RNF19A: variants seen among roughly 807,000 people sequenced by gnomAD.
RNF19A encodes E3 ubiquitin-protein ligase RNF19A.
RNF19A carries 32 observed loss-of-function variants against 75.7 expected under a neutral mutation model. The observed-to-expected ratio is 0.42, with a 90% CI of 0.32 to 0.57. RNF19A has a LOEUF of 0.57. Among genes scored for constraint, RNF19A ranks in the 20% least tolerant of loss-of-function variants. The probability of loss-of-function intolerance (pLI) is 0.10; values close to 1 mark genes in which losing one functional copy is unlikely to be tolerated. For missense variants in RNF19A, 782 were observed against 1,036.3 expected (o/e 0.75, Z 3.37); for synonymous variants, 335 against 345.2 (o/e 0.97, Z 0.33).
intron 1 of RNF19A, among the ~76,000 whole-genome samples, chr8:100,301,802 C>T (rs1189702326): frequency 6.6e-6 from 1 of 152,130 alleles, no homozygotes; most frequent in Non-Finnish European, 1.5e-5. Context: ...AAAAGTTAGG[C>T]AGAGCAAAGG....
rs190055747 is a variant in RNF19A at position 100,324,956 on chromosome 8, G to C, written c.-243+11152C>G. 6.6e-6 allele frequency among the ~76,000 whole-genome samples: 1 copy of C among 150,530 alleles called. No homozygotes were observed. The highest frequency in any genetic ancestry group is 2.4e-5 in the African/African-American group (1 of 40,872). ...GAGTCTCACTCTGTCACCCAGGCTG[G>C]AGTGCAATGGCACAACCTCAGCTTA... is the stretch of plus-strand genomic sequence containing the variant. On this transcript the variant is annotated intron_variant, in intron 1 of 3. Coordinates refer to the RNF19A transcript ENST00000519527. The surrounding 1 kb of genome is among the most constrained non-coding windows in gnomAD (Gnocchi z 4.2).
Position 100,259,135 on chromosome 8 carries a change from A to G in RNF19A, c.1938T>C (p.Ala646=). The G allele has an allele frequency of 6.2e-7, 1 of 1,614,190 alleles. No individual in the cohort carries two copies. The highest frequency in any genetic ancestry group is 8.5e-7 in the Non-Finnish European group (1 of 1,180,034). The part of the protein sequence containing the change: ...VDDGSATRSH[A]GGSSSGLPEG... Reference sequence around the variant, plus strand: ...CAGGCAAGCCACTGGATGAACCGCCAGCATGACTTCGGGTGGCACTGCCAT... The same window carrying G: ...CAGGCAAGCCACTGGATGAACCGCCGGCATGACTTCGGGTGGCACTGCCAT... Residue 646 remains alanine (A), a synonymous_variant, in exon 10 of 10, where the codon GCT becomes GCC. Coordinates refer to ENST00000341084, the MANE Select transcript of RNF19A (RefSeq NM_183419.4). The surrounding 1 kb of genome is among the most constrained non-coding windows in gnomAD (Gnocchi z 4.5).
rs532419796 is a variant in RNF19A at position 100,331,358 on chromosome 8, A to T, written c.-243+4750T>A. On this transcript the variant is annotated intron_variant, in intron 1 of 3. Transcript: ENST00000519527. This position sits in a 1 kb window ranked among gnomAD's most constrained non-coding sequence, Gnocchi z 5.2. ...TAGAACAGAAAAACAGATATAGGCCAGGTATGGTGGCTCATGCCTGTAATC... is the reference window on the plus strand; with the variant it reads ...TAGAACAGAAAAACAGATATAGGCCTGGTATGGTGGCTCATGCCTGTAATC... 2.6e-5 allele frequency among the ~76,000 whole-genome samples: 4 copies of T among 152,202 alleles called. No homozygotes were observed. Among genetic ancestry groups the T allele is most frequent in the Non-Finnish European group, 4.4e-5 (3 of 68,036 alleles).
intron 7 of RNF19A, among the ~76,000 whole-genome samples, chr8:100,263,122 T>G (rs1819803336): frequency 6.6e-6 from 1 of 152,180 alleles, no homozygotes; most frequent in East Asian, 1.9e-4. Flanking sequence ...GGTCTATGCA[T>G]TATTTAATAG....
intron 1 of RNF19A, among the ~76,000 whole-genome samples, chr8:100,291,965 GTCT>G (rs1821316209): frequency 9.8e-6 from 1 of 101,620 alleles, no homozygotes; most frequent in Non-Finnish European, 2.0e-5. Context: ...AGAGGACTAA[GTCT>G]TTTTTTTTTT....
In RNF19A at chr8:100,323,865, T is replaced by C. The variant is rs1346408096; in HGVS notation, c.-242-10493A>G. ...TCACAAGTTGTTTGTAAAATGACTG[T>C]GCCAAACCAACATTCCTGTCAACGA... On this transcript the variant is annotated intron_variant, in intron 1 of 3. Coordinates refer to the RNF19A transcript ENST00000519527. The surrounding 1 kb of genome is among the most constrained non-coding windows in gnomAD (Gnocchi z 4.6). Among the ~76,000 whole-genome samples, 1 of 152,210 alleles carries C rather than the reference T, an allele frequency of 6.6e-6. No individual in the cohort carries two copies. Among genetic ancestry groups the C allele is most frequent in the East Asian group, 1.9e-4 (1 of 5,206 alleles).
chr8:100,316,172 G>T (rs930058092), intron 1 of RNF19A, among the ~76,000 whole-genome samples: 3 of 151,654 alleles, frequency 2.0e-5, no homozygotes, highest in Admixed American at 2.0e-4. Context: ...AAGACGGCGT[G>T]TCTGGAGTTG....
At chr8:100,292,507 A>G (rs1444623958) in intron 1 of RNF19A, among the ~76,000 whole-genome samples, 1 of 151,650 alleles carries the variant, frequency 6.6e-6, no homozygotes, top group Non-Finnish European at 1.5e-5. Context: ...CAATTTTCCA[A>G]TGTAGAAATT....
chr8:100,292,068 A>C (rs1467592663), intron 1 of RNF19A, among the ~76,000 whole-genome samples: 1 of 151,654 alleles, frequency 6.6e-6, no homozygotes, highest in Non-Finnish European at 1.5e-5. Flanking sequence ...CAGAAGCTTA[A>C]AGCTATTCTA....
intron 1 of RNF19A, chr8:100,309,516 C>G: frequency 1.0e-6 from 1 of 985,502 alleles, no homozygotes; most frequent in Non-Finnish European, 1.2e-6. Flanking sequence ...AGCGCCGCCT[C>G]GGCCCGTCAT....
intron 1 of RNF19A, among the ~76,000 whole-genome samples, chr8:100,297,376 T>A (rs1292626518): frequency 6.6e-6 from 1 of 152,226 alleles, no homozygotes; most frequent in Admixed American, 6.5e-5. Flanking sequence ...CCTCTCTGTA[T>A]CATCTGTAAA....
Position 100,258,921 on chromosome 8 carries a change from GC to G in RNF19A, c.2151del (p.Met717IlefsTer4). 3 of 1,614,206 alleles carry G rather than the reference GC, an allele frequency of 1.9e-6. No individual in the cohort carries two copies. Among genetic ancestry groups the G allele is most frequent in the Non-Finnish European group, 2.5e-6 (3 of 1,180,038 alleles). ...EFEAPSLSDS[M>X]PSVADSHSSH... Reference sequence around the variant, plus strand: ...CTAGAGTGAGAATCTGCTACAGAAGGCATACTGTCACTGAGGGATGGAGCCT... The same window carrying G: ...CTAGAGTGAGAATCTGCTACAGAAGGATACTGTCACTGAGGGATGGAGCCT... On this transcript the variant is annotated frameshift_variant, in exon 10 of 10. Coordinates refer to ENST00000341084, the MANE Select transcript of RNF19A (RefSeq NM_183419.4). LOFTEE classifies it high-confidence loss of function. The surrounding 1 kb of genome is among the most constrained non-coding windows in gnomAD (Gnocchi z 4.3).
rs1183344533 is a variant in RNF19A, at chr8:100,261,360, C to T, written c.1682+182G>A. Reference sequence around the variant, plus strand: ...CAATCCACCTGCTTTGGCTTCCCAACATGCTGGGATTACAGGCGTGAGCCA... The same window carrying T: ...CAATCCACCTGCTTTGGCTTCCCAATATGCTGGGATTACAGGCGTGAGCCA... On this transcript the variant is annotated intron_variant, in intron 8 of 9. Coordinates refer to ENST00000341084, the MANE Select transcript of RNF19A (RefSeq NM_183419.4). This position sits in a 1 kb window ranked among gnomAD's most constrained non-coding sequence, Gnocchi z 4.4. 6.6e-6 allele frequency among the ~76,000 whole-genome samples: 1 copy of T among 152,106 alleles called. No individual in the cohort carries two copies. Among genetic ancestry groups the T allele is most frequent in the Non-Finnish European group, 1.5e-5 (1 of 68,018 alleles).
At chr8:100,319,984 C>T (rs1416654524) in intron 1 of RNF19A, among the ~76,000 whole-genome samples, 3 of 150,372 alleles carry the variant, frequency 2.0e-5, no homozygotes, top group Admixed American at 6.7e-5. Flanking sequence ...TACAGGTGCC[C>T]GCCACCATGC....
At chr8:100,307,700 A>G (rs914958092) in intron 1 of RNF19A, among the ~76,000 whole-genome samples, 11 of 152,170 alleles carry the variant, frequency 7.2e-5, no homozygotes, top group African/African-American at 2.7e-4. Flanking sequence ...TCCAACCCCA[A>G]TAAAATAGAG....
intron 1 of RNF19A, among the ~76,000 whole-genome samples, chr8:100,308,435 T>C (rs1420012790): frequency 6.6e-6 from 1 of 152,194 alleles, no homozygotes; most frequent in Non-Finnish European, 1.5e-5. Context: ...ATCATCGCCA[T>C]TTTCTAAATA....
In RNF19A at chr8:100,329,575, AT is replaced by A. The variant is rs1207154544; in HGVS notation, c.-243+6532del. On this transcript the variant is annotated intron_variant, in intron 1 of 3. Transcript: ENST00000519527. This position sits in a 1 kb window ranked among gnomAD's most constrained non-coding sequence, Gnocchi z 4.3. The stretch of plus-strand genomic sequence containing the variant: ...GGTCAGGCCTCATCTGGAGGCTTAT[AT>A]TTAAGCACATTTTAAAGAGAGACAC... Among the ~76,000 whole-genome samples the A allele has an allele frequency of 6.0e-4, 92 of 152,336 alleles. No homozygotes were observed. The highest frequency in any genetic ancestry group is 2.1e-3 in the African/African-American group (86 of 41,564).
Position 100,284,531 on chromosome 8 carries a change from G to A in RNF19A, c.674+2970C>T, listed in dbSNP as rs572316315. ...TTAATGTATGGCCAAATTAATCACGGACAATTATTTGTTAAATTTATATAA... is the reference window on the plus strand; with the variant it reads ...TTAATGTATGGCCAAATTAATCACGAACAATTATTTGTTAAATTTATATAA... On this transcript the variant is annotated intron_variant, in intron 2 of 9. Coordinates refer to ENST00000341084, the MANE Select transcript of RNF19A (RefSeq NM_183419.4). The surrounding 1 kb of genome is among the most constrained non-coding windows in gnomAD (Gnocchi z 4.3). Among the ~76,000 whole-genome samples the A allele has an allele frequency of 8.3e-4, 126 of 152,124 alleles. No individual in the cohort carries two copies. The highest frequency in any genetic ancestry group is 1.6e-3 in the Non-Finnish European group (108 of 67,942).
chr8:100,287,997 G>A lies in RNF19A; in HGVS notation c.178C>T (p.Pro60Ser). ...CCTATTGAAATTCTTCTTTTTTTGGGTGCCTTTTTGACTGAAGGCAAGCTC... is the reference window on the plus strand; with the variant it reads ...CCTATTGAAATTCTTCTTTTTTTGGATGCCTTTTTGACTGAAGGCAAGCTC... ...SVSLPSVKKAPKKRRISIGSL... is the reference protein window; with the variant it reads ...SVSLPSVKKASKKRRISIGSL... Residue 60 changes from proline (P) to serine (S), a missense_variant, in exon 2 of 10, where the codon CCC becomes TCC. By Grantham distance (74) the Pro-to-Ser change is moderately conservative (BLOSUM62 -1). Transcript: ENST00000341084. The surrounding 1 kb of genome is among the most constrained non-coding windows in gnomAD (Gnocchi z 4.1). The A allele has an allele frequency of 6.2e-7, 1 of 1,613,834 alleles. No individual in the cohort carries two copies. The highest frequency in any genetic ancestry group is 8.5e-7 in the Non-Finnish European group (1 of 1,179,948).
Sources: gnomAD v4.1 joint callset for allele counts (sites outside exome capture counted in the v4.1 genomes callset) on GRCh38, gnomAD v4.1.1 for gene constraint, Gnocchi (gnomAD v3.1) non-coding constraint, MANE v1.5 for transcripts, NCBI Gene and HGNC (gene_info 2026-07-23, HGNC 2026-07-21) for gene names.